The following PPM1E variants were observed in gnomAD, a reference collection of about 807,000 sequenced individuals.
PPM1E encodes protein phosphatase 1E.
Under a neutral mutation model 65.9 loss-of-function variants are expected in PPM1E, and 20 were observed. That is an observed-to-expected ratio of 0.30 (90% CI 0.21 to 0.44). PPM1E has a LOEUF of 0.44. Ranked by LOEUF, PPM1E falls within the 20% of genes least tolerant of loss-of-function variation. PPM1E has a pLI of 1.00. For missense variants in PPM1E, 713 were observed against 953.1 expected (o/e 0.75, Z 3.32); for synonymous variants, 352 against 374.9 (o/e 0.94, Z 0.70).
chr17:58,980,397 G>A lies in PPM1E; in HGVS notation c.1634G>A (p.Arg545His), dbSNP rs756485394. 15 of 1,614,014 alleles carry A rather than the reference G, an allele frequency of 9.3e-6. No individual in the cohort carries two copies. The highest frequency in any genetic ancestry group is 1.6e-4 in the Middle Eastern group (1 of 6,084). ...CCAGCCGACCTAGGCTATGATGGGC[G>A]TGTGGATTCATTCACTGATAGAACT... Reference protein sequence around the residue: ...SAPADLGYDGRVDSFTDRTSL... With the variant: ...SAPADLGYDGHVDSFTDRTSL... The change falls in exon 7 of 7, where the codon CGT becomes CAT. Residue 545 changes from arginine to histidine, a missense_variant. By Grantham distance (29) the Arg-to-His change is conservative. Around this residue, in one of 6 missense-constraint regions of PPM1E, gnomAD observed 286 missense variants for 313.8 expected, o/e 0.91. Coordinates refer to ENST00000308249, the MANE Select transcript of PPM1E (RefSeq NM_014906.5). The surrounding 1 kb of genome is among the most constrained non-coding windows in gnomAD (Gnocchi z 4.7).
intron 1 of PPM1E, among the ~76,000 whole-genome samples, chr17:58,758,974 C>G (rs2049796368): frequency 6.6e-6 from 1 of 151,990 alleles, no homozygotes; most frequent in Non-Finnish European, 1.5e-5. Context: ...AAAGGCTGAG[C>G]CACAAGAATC....
At chr17:58,825,870 C>T (rs1413900574) in intron 1 of PPM1E, among the ~76,000 whole-genome samples, 1 of 151,902 alleles carries the variant, frequency 6.6e-6, no homozygotes, top group South Asian at 2.1e-4. Context: ...GCACGCAGCC[C>T]CATTCTCTAC....
intron 1 of PPM1E, among the ~76,000 whole-genome samples, chr17:58,820,965 A>T (rs2143135805): frequency 6.6e-6 from 1 of 152,184 alleles, no homozygotes. Context: ...TTGATCTGAA[A>T]CATTTAATCA....
intron 1 of PPM1E, among the ~76,000 whole-genome samples, chr17:58,798,214 A>G (rs1424335427): frequency 6.7e-6 from 1 of 148,386 alleles, no homozygotes; most frequent in African/African-American, 2.5e-5. Flanking sequence ...TTCTGTGTGA[A>G]TTACGTTTTT....
At chr17:58,794,176 T>C (rs1156591195) in intron 1 of PPM1E, among the ~76,000 whole-genome samples, 1 of 152,122 alleles carries the variant, frequency 6.6e-6, no homozygotes, top group Middle Eastern at 3.4e-3. Flanking sequence ...AACTCCTGAC[T>C]TCAGGTGATC....
intron 5 of PPM1E, 59 bp downstream of exon 5, chr17:58,972,334 T>A: frequency 6.5e-7 from 1 of 1,540,714 alleles, no homozygotes; most frequent in Non-Finnish European, 8.8e-7. Context: ...GATTTTCTAG[T>A]TATTGATTAG....
intron 6 of PPM1E, among the ~76,000 whole-genome samples, chr17:58,977,368 G>A (rs773438244): frequency 4.5e-4 from 69 of 151,728 alleles, no homozygotes; most frequent in Admixed American, 1.5e-3. Context: ...GCTTGAATCC[G>A]GGAGGTGGAG....
intron 1 of PPM1E, among the ~76,000 whole-genome samples, chr17:58,821,121 G>A (rs746979462): frequency 3.3e-5 from 5 of 151,784 alleles, no homozygotes; most frequent in Non-Finnish European, 7.4e-5. Flanking sequence ...GTTTGTTTTT[G>A]GTTTTTGGAG....
intron 1 of PPM1E, among the ~76,000 whole-genome samples, chr17:58,892,581 AAAT>A (rs1002708804): frequency 3.9e-5 from 6 of 152,134 alleles, no homozygotes; most frequent in African/African-American, 1.4e-4. Context: ...TGTCTCAAAA[AAAT>A]AATAATAATA....
intron 1 of PPM1E, among the ~76,000 whole-genome samples, chr17:58,820,977 G>A (rs947914627): frequency 6.6e-6 from 1 of 151,890 alleles, no homozygotes; most frequent in African/African-American, 2.4e-5. Context: ...ATTTAATCAT[G>A]GGCTTAATTC....
At chr17:58,847,227 T>G (rs564128573) in intron 1 of PPM1E, among the ~76,000 whole-genome samples, 1 of 152,206 alleles carries the variant, frequency 6.6e-6, no homozygotes, top group East Asian at 1.9e-4. Flanking sequence ...GGTTGCCTGT[T>G]CACTCAGATG....
At chr17:58,879,157 C>A (rs970726892) in intron 1 of PPM1E, among the ~76,000 whole-genome samples, 1 of 151,914 alleles carries the variant, frequency 6.6e-6, no homozygotes, top group African/African-American at 2.4e-5. Flanking sequence ...GGATCTTAAT[C>A]TCATAGTCTA....
At chr17:58,807,328 A>G (rs2050325633) in intron 1 of PPM1E, among the ~76,000 whole-genome samples, 1 of 152,170 alleles carries the variant, frequency 6.6e-6, no homozygotes, top group South Asian at 2.1e-4. Flanking sequence ...TGTGTATTTC[A>G]GGGTGCCTAA....
chr17:58,819,270 C>T (rs2050456495), intron 1 of PPM1E, among the ~76,000 whole-genome samples: 1 of 152,122 alleles, frequency 6.6e-6, no homozygotes, highest in Non-Finnish European at 1.5e-5. Flanking sequence ...CTAAGCCTCT[C>T]GTGTAGCTGG....
intron 1 of PPM1E, among the ~76,000 whole-genome samples, chr17:58,893,309 A>G (rs1425034314): frequency 1.3e-5 from 2 of 152,240 alleles, no homozygotes; most frequent in Non-Finnish European, 2.9e-5. Context: ...CATGAAAGAC[A>G]TGGAGTAAGC....
chr17:58,806,536 C>T (rs1437388482), intron 1 of PPM1E, among the ~76,000 whole-genome samples: 2 of 151,378 alleles, frequency 1.3e-5, no homozygotes, highest in Non-Finnish European at 2.9e-5. Context: ...CAATTTTTTC[C>T]TTTTCTCCTG....
chr17:58,886,903 C>T (rs972171750), intron 1 of PPM1E, among the ~76,000 whole-genome samples: 11 of 152,062 alleles, frequency 7.2e-5, no homozygotes, highest in African/African-American at 1.7e-4. Context: ...TGTGTAGGGG[C>T]AAAGAGCATA....
chr17:58,865,216 G>C (rs1181180630), intron 1 of PPM1E, among the ~76,000 whole-genome samples: 1 of 150,106 alleles, frequency 6.7e-6, no homozygotes, highest in African/African-American at 2.5e-5. Flanking sequence ...GTGAAACCCA[G>C]TCTCTACTAA....
At chr17:58,864,801 T>C (rs1423945208) in intron 1 of PPM1E, among the ~76,000 whole-genome samples, 3 of 152,016 alleles carry the variant, frequency 2.0e-5, no homozygotes, top group Non-Finnish European at 1.5e-5. Context: ...CCGGGTGTGG[T>C]GGCAGGCGCC....
Sources: allele counts gnomAD v4.1 joint callset (sites outside exome capture counted in the v4.1 genomes callset), GRCh38; gene constraint gnomAD v4.1.1; regional missense constraint gnomAD v4.1.1; non-coding constraint Gnocchi (gnomAD v3.1); transcripts MANE v1.5; gene names NCBI Gene and HGNC (gene_info 2026-07-23, HGNC 2026-07-21).